CSMD1: variants seen among roughly 807,000 people sequenced by gnomAD.
CSMD1 encodes the protein CUB and sushi domain-containing protein 1.
In CSMD1, 213 loss-of-function variants were observed where a neutral mutation model predicts 417.5. The observed-to-expected ratio is 0.51, with a 90% CI of 0.46 to 0.57. The LOEUF is 0.57. CSMD1 is among the 20% of genes least tolerant of loss of function. The pLI is 0.00. For synonymous variants in CSMD1, 2,862 were observed against 1,736.8 expected, an observed-to-expected ratio of 1.65 and a Z score of -16.11; for missense variants, 6,923 against 4,529.7, an observed-to-expected ratio of 1.53 and a Z score of -15.17.
chr8:4,377,889 T>C (rs551734478), intron 3 of CSMD1, among the ~76,000 whole-genome samples: 1 of 152,226 alleles, frequency 6.6e-6, no homozygotes, highest in Non-Finnish European at 1.5e-5. Flanking sequence ...ATTGAATTAG[T>C]ATGGATTACT....
At chr8:3,199,891 T>C (rs2116719697) in intron 32 of CSMD1, 82 bp from the exon 33 acceptor site, 1 of 759,426 alleles carries the variant, frequency 1.3e-6, no homozygotes, top group South Asian at 1.7e-5. Flanking sequence ...GTGATAAAGT[T>C]GAAATTTCAC....
intron 3 of CSMD1, among the ~76,000 whole-genome samples, chr8:4,113,649 C>A (rs1014483964): frequency 6.6e-6 from 1 of 152,084 alleles, no homozygotes; most frequent in East Asian, 1.9e-4. Flanking sequence ...CCTGATCCAC[C>A]CGCCTCCACC....
chr8:3,915,257 T>G (rs1028391671), intron 5 of CSMD1, among the ~76,000 whole-genome samples: 1 of 151,428 alleles, frequency 6.6e-6, no homozygotes, highest in Non-Finnish European at 1.5e-5. Flanking sequence ...AATAGAAAAA[T>G]TATCTGGGCA....
At chr8:4,888,178 T>C (rs1291647980) in intron 1 of CSMD1, among the ~76,000 whole-genome samples, 2 of 151,890 alleles carry the variant, frequency 1.3e-5, no homozygotes, top group Non-Finnish European at 1.5e-5. Context: ...CATTGGTACA[T>C]CCATATTGTA....
At chr8:3,472,727 C>G (rs937419984) in intron 11 of CSMD1, among the ~76,000 whole-genome samples, 7 of 152,122 alleles carry the variant, frequency 4.6e-5, no homozygotes, top group African/African-American at 7.2e-5. Context: ...CCATTCCCAG[C>G]CCTTATTTCT....
At chr8:4,617,111 CAT>C (rs1284036361) in intron 2 of CSMD1, among the ~76,000 whole-genome samples, 5 of 151,882 alleles carry the variant, frequency 3.3e-5, no homozygotes, top group Non-Finnish European at 5.9e-5. Flanking sequence ...GTTTTTGAAA[CAT>C]GTTTTAAAAT....
chr8:3,759,044 C>G (rs1430311661), intron 5 of CSMD1, among the ~76,000 whole-genome samples: 3 of 152,150 alleles, frequency 2.0e-5, no homozygotes, highest in Non-Finnish European at 4.4e-5. Context: ...CATAGAGTCT[C>G]CAGAGAGCAA....
intron 3 of CSMD1, among the ~76,000 whole-genome samples, chr8:4,235,358 TTG>T (rs916901869): frequency 5.4e-4 from 65 of 119,952 alleles, no homozygotes; most frequent in Admixed American, 1.4e-3. Flanking sequence ...AAGACGTGTT[TTG>T]TTTTTTTTTT....
intron 7 of CSMD1, among the ~76,000 whole-genome samples, chr8:3,633,756 C>A (rs1796898855): frequency 6.6e-6 from 1 of 151,920 alleles, no homozygotes; most frequent in African/African-American, 2.4e-5. Flanking sequence ...CTTCAGCAAC[C>A]CCATAGGCAT....
intron 7 of CSMD1, among the ~76,000 whole-genome samples, chr8:3,663,139 C>G (rs373304470): frequency 4.6e-5 from 7 of 151,846 alleles, no homozygotes; most frequent in Admixed American, 4.6e-4. Context: ...CAGGAGAGGC[C>G]GACAAAGAAA....
intron 5 of CSMD1, among the ~76,000 whole-genome samples, chr8:3,992,849 T>G (rs950346056): frequency 2.6e-5 from 4 of 152,264 alleles, no homozygotes; most frequent in Non-Finnish European, 5.9e-5. Flanking sequence ...CACTGCAGCA[T>G]TGCTGCGTGG....
intron 3 of CSMD1, among the ~76,000 whole-genome samples, chr8:4,138,645 T>A (rs13249015): frequency 6.6e-6 from 1 of 151,906 alleles, no homozygotes; most frequent in African/African-American, 2.4e-5. Context: ...TCTCTTAAGG[T>A]TGACTTTTCA....
At position 3,439,154 on chromosome 8, in the gene CSMD1, C is replaced by CAAAAAAAAA. The variant is rs1563390150; in HGVS notation, c.1562-29550_1562-29549insTTTTTTTTT. ...AAAAAAAAAAAAAAAAAAAAAAAAC[C>CAAAAAAAAA]AAGAAAAAAAAAAGAAAAAGAAAAA... On this transcript the variant is annotated intron_variant, in intron 12 of 69. Transcript: ENST00000635120. Among the ~76,000 whole-genome samples the CAAAAAAAAA allele has an allele frequency of 6.3e-3, 167 of 26,440 alleles. 7 individuals are homozygous for CAAAAAAAAA. The highest frequency in any genetic ancestry group is 8.3e-3 in the African/African-American group (47 of 5,666). 17.3% of individuals were successfully genotyped at this position (26,440 alleles called of 152,430 possible). A position where few individuals can be genotyped will look rare whatever the true frequency, so the allele number is the denominator to read the frequency against.
intron 26 of CSMD1, among the ~76,000 whole-genome samples, chr8:3,237,105 C>A (rs191603801): frequency 1.3e-5 from 2 of 151,974 alleles, no homozygotes; most frequent in Non-Finnish European, 2.9e-5. Flanking sequence ...GGCTACTGCA[C>A]TGCAGAACTG....
intron 7 of CSMD1, among the ~76,000 whole-genome samples, chr8:3,707,225 GTTTCT>G (rs1311761523): frequency 1.3e-5 from 2 of 152,138 alleles, no homozygotes; most frequent in Non-Finnish European, 2.9e-5. Context: ...GATTGTGATT[GTTTCT>G]TTTATTAGTT....
intron 4 of CSMD1, among the ~76,000 whole-genome samples, chr8:4,022,853 C>A (rs181289584): frequency 1.3e-5 from 2 of 152,180 alleles, no homozygotes; most frequent in Admixed American, 6.5e-5. Context: ...AGAGTTCATT[C>A]GGAGCAAGAA....
chr8:4,134,820 C>T (rs1035945875), intron 3 of CSMD1, among the ~76,000 whole-genome samples: 1 of 152,112 alleles, frequency 6.6e-6, no homozygotes, highest in African/African-American at 2.4e-5. Flanking sequence ...AAATTTTGTC[C>T]TTGGCCTTGG....
intron 25 of CSMD1, among the ~76,000 whole-genome samples, chr8:3,286,709 G>C (rs1333773797): frequency 6.6e-6 from 1 of 151,908 alleles, no homozygotes; most frequent in Non-Finnish European, 1.5e-5. Flanking sequence ...GTTCATTGTA[G>C]ATTCTGGTTA....
chr8:4,203,513 T>G (rs1011308794), intron 3 of CSMD1, among the ~76,000 whole-genome samples: 7 of 152,162 alleles, frequency 4.6e-5, no homozygotes, highest in African/African-American at 1.7e-4. Context: ...ACGGAAGACT[T>G]TCTGTGAATC....
Sources: allele counts gnomAD v4.1 joint callset (sites outside exome capture counted in the v4.1 genomes callset), GRCh38; gene constraint gnomAD v4.1.1; transcripts MANE v1.5; gene names NCBI Gene and HGNC (gene_info 2026-07-23, HGNC 2026-07-21).